Variants in ZC3H7B observed in about 807,000 individuals in gnomAD.
ZC3H7B encodes the protein zinc finger CCCH-type containing 7B, also known as zinc finger CCCH domain-containing protein 7B.
In ZC3H7B, 35 loss-of-function variants were observed where a neutral mutation model predicts 116.0. That is an observed-to-expected ratio of 0.30 (90% CI 0.23 to 0.40). ZC3H7B has a LOEUF of 0.40. ZC3H7B is among the 10% of genes least tolerant of loss of function. The pLI is 1.00. For missense variants in ZC3H7B, 1,011 were observed against 1,321.5 expected, an observed-to-expected ratio of 0.77 and a Z score of 3.64; for synonymous variants, 502 against 545.6, an observed-to-expected ratio of 0.92 and a Z score of 1.11.
chr22:41,303,007 A>T (rs569480733), intron 1 of ZC3H7B, among the ~76,000 whole-genome samples: 1 of 152,324 alleles, frequency 6.6e-6, no homozygotes, highest in East Asian at 1.9e-4. Context: ...TTGAATTTTC[A>T]CACAAATGAG....
At chr22:41,336,112 C>T (rs1453646246) in intron 7 of ZC3H7B, 1 of 152,376 alleles carries the variant, frequency 6.6e-6, no homozygotes, top group African/African-American at 2.4e-5. Flanking sequence ...CTGTGAAGGA[C>T]TCAGAGAAAA....
rs1569245741 is a variant in ZC3H7B at position 41,357,458 on chromosome 22, TGGGGTCAGGG to T, written c.*32_*41del. ...CAGGTGTTGGCCGTGGGTGAAGTCC[TGGGGTCAGGG>T]GGTGGGGTGGGGCCAGAAGGCCTGA... On this transcript the variant is annotated 3_prime_UTR_variant, in exon 23 of 23. Coordinates refer to ENST00000352645, the MANE Select transcript of ZC3H7B (RefSeq NM_017590.6). This position sits in a 1 kb window ranked among gnomAD's most constrained non-coding sequence, Gnocchi z 5.4. 4.0e-6 allele frequency: 5 copies of T among 1,251,906 alleles called. No individual in the cohort carries two copies. The highest frequency in any genetic ancestry group is 5.2e-6 in the Non-Finnish European group (5 of 966,766). 77.5% of individuals were successfully genotyped at this position (1,251,906 alleles called of 1,614,324 possible).
Position 41,345,984 on chromosome 22 carries a change from TC to T in ZC3H7B, c.1460-17del. The T allele has an allele frequency of 6.2e-7, 1 of 1,613,788 alleles. No homozygotes were observed. Among genetic ancestry groups the T allele is most frequent in the Non-Finnish European group, 8.5e-7 (1 of 1,179,886 alleles). On this transcript the variant is annotated intron_variant, in intron 13 of 22. Transcript: ENST00000352645. ...CTATCCCCGCCTGGCGGAACGTGTGTCCTGTTGCCTCTTTGCAGACATGATT... is the reference window on the plus strand; with the variant it reads ...CTATCCCCGCCTGGCGGAACGTGTGTCTGTTGCCTCTTTGCAGACATGATT...
At chr22:41,342,190 G>A (rs1033394341) in intron 11 of ZC3H7B, among the ~76,000 whole-genome samples, 2 of 152,166 alleles carry the variant, frequency 1.3e-5, no homozygotes, top group African/African-American at 4.8e-5. Flanking sequence ...ATTGGGGGAG[G>A]GCATGAGCAC....
chr22:41,315,897 GAC>G (rs1179429906), intron 1 of ZC3H7B, among the ~76,000 whole-genome samples: 6 of 151,992 alleles, frequency 3.9e-5, no homozygotes, highest in African/African-American at 4.8e-5. Context: ...ATTTGGGGAG[GAC>G]ACAGACATTC....
intron 11 of ZC3H7B, among the ~76,000 whole-genome samples, chr22:41,342,093 C>G (rs1378309259): frequency 1.3e-5 from 2 of 151,762 alleles, no homozygotes; most frequent in Non-Finnish European, 2.9e-5. Context: ...TTGCTACACT[C>G]TGACCTACAC....
At position 41,304,153 on chromosome 22, in the gene ZC3H7B, C is replaced by T. The variant is rs529019652; in HGVS notation, c.-7+2381C>T. ...AGTCTGCCAGGCTCAGGCAATCCTC[C>T]TGCCTTGGCCTCCCAAAGGGATAGG... On this transcript the variant is annotated intron_variant, in intron 1 of 22. Coordinates refer to ENST00000352645, the MANE Select transcript of ZC3H7B (RefSeq NM_017590.6). Among the ~76,000 whole-genome samples the T allele has an allele frequency of 2.6e-5, 4 of 152,342 alleles. No individual in the cohort carries two copies. The East Asian group carries it at 7.7e-4, about 29-fold the overall frequency.
At chr22:41,332,462 G>A in intron 7 of ZC3H7B, 1 of 541,932 alleles carries the variant, frequency 1.8e-6, no homozygotes, top group Non-Finnish European at 3.3e-6. Context: ...CCCTGGCCAG[G>A]ACACAGTCTG....
intron 2 of ZC3H7B, among the ~76,000 whole-genome samples, chr22:41,321,341 G>A (rs2036254152): frequency 6.7e-6 from 1 of 150,094 alleles, no homozygotes; most frequent in East Asian, 2.0e-4. Context: ...TCAGCCTCTC[G>A]AGTAGCTGGG....
intron 15 of ZC3H7B, among the ~76,000 whole-genome samples, 194 bp downstream of exon 15, chr22:41,348,361 C>G (rs1227698520): frequency 6.6e-6 from 1 of 152,222 alleles, no homozygotes; most frequent in Non-Finnish European, 1.5e-5. Context: ...CTACTATATT[C>G]CAAGCGTCAT....
intron 1 of ZC3H7B, among the ~76,000 whole-genome samples, chr22:41,313,375 G>A (rs1188571868): frequency 1.3e-5 from 2 of 152,166 alleles, no homozygotes; most frequent in African/African-American, 4.8e-5. Flanking sequence ...GCCTCCCAAA[G>A]TGTTGGAATT....
intron 1 of ZC3H7B, among the ~76,000 whole-genome samples, chr22:41,310,740 C>A (rs948707796): frequency 6.6e-6 from 1 of 151,558 alleles, no homozygotes; most frequent in African/African-American, 2.4e-5. Context: ...TTACAATGAC[C>A]TTCTGTTACT....
chr22:41,331,597 G>A (rs1297085159), intron 6 of ZC3H7B, among the ~76,000 whole-genome samples: 4 of 151,562 alleles, frequency 2.6e-5, no homozygotes, highest in African/African-American at 9.7e-5. Context: ...TGGGCCGGGT[G>A]CAGTGGTTCA....
intron 1 of ZC3H7B, among the ~76,000 whole-genome samples, chr22:41,315,721 A>C (rs1299002024): frequency 6.6e-6 from 1 of 152,062 alleles, no homozygotes; most frequent in Non-Finnish European, 1.5e-5. Flanking sequence ...CATGCAAGGG[A>C]GGAAACAGAG....
intron 11 of ZC3H7B, among the ~76,000 whole-genome samples, chr22:41,342,237 C>A (rs1274014128): frequency 6.6e-6 from 1 of 152,148 alleles, no homozygotes; most frequent in African/African-American, 2.4e-5. Context: ...TCTATGCTTT[C>A]ACATTCAACT....
At chr22:41,348,189 G>A in intron 15 of ZC3H7B, 22 bp downstream of exon 15, 6 of 1,608,648 alleles carry the variant, frequency 3.7e-6, no homozygotes, top group Non-Finnish European at 5.1e-6. Flanking sequence ...CCTCAGCCCA[G>A]GCTGAGGCCT....
Position 41,357,522 on chromosome 22 carries a change from GGGGGGCCGC to G in ZC3H7B, c.*94_*102del, listed in dbSNP as rs2036738260. ...AAGGGTCAGGGCAGGCCAGGGGGGT[GGGGGGCCGC>G]CCTCATCAGGCAGCCCCCAGCCCCC... On this transcript the variant is annotated 3_prime_UTR_variant, in exon 23 of 23. Coordinates refer to ENST00000352645, the MANE Select transcript of ZC3H7B (RefSeq NM_017590.6). This position sits in a 1 kb window ranked among gnomAD's most constrained non-coding sequence, Gnocchi z 5.4. 6.9e-6 allele frequency: 6 copies of G among 873,726 alleles called. No individual in the cohort carries two copies. The highest frequency in any genetic ancestry group is 1.0e-5 in the Non-Finnish European group (6 of 598,878). 54.1% of individuals were successfully genotyped at this position (873,726 alleles called of 1,614,324 possible). A position where few individuals can be genotyped will look rare whatever the true frequency, so the allele number is the denominator to read the frequency against.
Position 41,338,595 on chromosome 22 carries a change from C to T in ZC3H7B, c.625+240C>T, listed in dbSNP as rs1041834180. 5.9e-5 allele frequency among the ~76,000 whole-genome samples: 9 copies of T among 152,188 alleles called. No individual in the cohort carries two copies. The highest frequency in any genetic ancestry group is 1.9e-4 in the African/African-American group (8 of 41,440). ...GCCTCTTAGCTAGGTGCAACAGTCC[C>T]ATGGCCTTCACTCCTGGCTGCCTGC... On this transcript the variant is annotated intron_variant, in intron 8 of 22. Coordinates refer to ENST00000352645, the MANE Select transcript of ZC3H7B (RefSeq NM_017590.6). This position sits in a 1 kb window ranked among gnomAD's most constrained non-coding sequence, Gnocchi z 4.5.
chr22:41,349,086 T>C lies in ZC3H7B; in HGVS notation c.1767-34T>C. On this transcript the variant is annotated intron_variant, in intron 15 of 22. Coordinates refer to ENST00000352645, the MANE Select transcript of ZC3H7B (RefSeq NM_017590.6). The surrounding 1 kb of genome is among the most constrained non-coding windows in gnomAD (Gnocchi z 4.9). Reference sequence around the variant, plus strand: ...AGAGAAGGTCAGAGGGGCTGCGGACTGCATCGTGCCCCTCCTGCCTGCCCG... The same window carrying C: ...AGAGAAGGTCAGAGGGGCTGCGGACCGCATCGTGCCCCTCCTGCCTGCCCG... 1 of 1,608,590 alleles carries C rather than the reference T, an allele frequency of 6.2e-7. No individual in the cohort carries two copies. The highest frequency in any genetic ancestry group is 8.5e-7 in the Non-Finnish European group (1 of 1,177,268).
Sources: gnomAD v4.1 joint callset for allele counts (sites outside exome capture counted in the v4.1 genomes callset) on GRCh38, gnomAD v4.1.1 for gene constraint, Gnocchi (gnomAD v3.1) non-coding constraint, MANE v1.5 for transcripts, NCBI Gene and HGNC (gene_info 2026-07-23, HGNC 2026-07-21) for gene names.